CCDC3: variants seen among roughly 807,000 people sequenced by gnomAD.
The protein encoded by CCDC3 is coiled-coil domain containing 3, also known as coiled-coil domain-containing protein 3.
CCDC3 carries 24 observed loss-of-function variants against 21.4 expected under a neutral mutation model. That is an observed-to-expected ratio of 1.12 (90% confidence interval 0.81 to 1.58). The LOEUF is 1.58. Ranked by LOEUF, CCDC3 falls within the 40% of genes most tolerant of loss-of-function variation. The probability of loss-of-function intolerance (pLI) is 0.00; values close to 1 mark genes in which losing one functional copy is unlikely to be tolerated. For missense variants in CCDC3, 425 were observed against 360.9 expected (o/e 1.18, Z -1.44); for synonymous variants, 186 against 166.0 (o/e 1.12, Z -0.93).
chr10:13,082,123 A>G (rs1446504537), intron 3 of CCDC3, among the ~76,000 whole-genome samples: 2 of 152,224 alleles, frequency 1.3e-5, no homozygotes, highest in Non-Finnish European at 2.9e-5. Flanking sequence ...GTGATAGAAG[A>G]AAAGACAGCT....
intron 2 of CCDC3, among the ~76,000 whole-genome samples, chr10:12,973,994 T>C (rs1835379194): frequency 6.6e-6 from 1 of 152,120 alleles, no homozygotes; most frequent in Non-Finnish European, 1.5e-5. Context: ...GCACCTATGG[T>C]TGTGAAGATC....
At chr10:12,901,739 A>C (rs917792280) in intron 2 of CCDC3, among the ~76,000 whole-genome samples, 1 of 152,246 alleles carries the variant, frequency 6.6e-6, no homozygotes, top group African/African-American at 2.4e-5. Flanking sequence ...ATTATAGGAT[A>C]GAGTCAAATC....
intron 2 of CCDC3, among the ~76,000 whole-genome samples, chr10:12,952,841 G>A (rs888630402): frequency 3.3e-5 from 5 of 152,104 alleles, no homozygotes; most frequent in African/African-American, 1.2e-4. Flanking sequence ...TTCTCATCCA[G>A]GTTACCACTG....
intron 2 of CCDC3, among the ~76,000 whole-genome samples, chr10:12,915,915 C>T (rs973852689): frequency 6.6e-6 from 1 of 152,092 alleles, no homozygotes; most frequent in Admixed American, 6.5e-5. Context: ...TGACCTGGCA[C>T]CAGGGTCTGC....
chr10:13,041,459 T>C (rs1022571652), intron 5 of CCDC3, among the ~76,000 whole-genome samples: 3 of 150,216 alleles, frequency 2.0e-5, no homozygotes, highest in African/African-American at 7.4e-5. Context: ...ATGTGTTGAT[T>C]TCCCCCTCGC....
rs779643128 is a variant in CCDC3, at chr10:12,898,561, T to A, written c.668A>T (p.Lys223Met). 85 of 1,614,020 alleles carry A rather than the reference T, an allele frequency of 5.3e-5. No homozygotes were observed. Among genetic ancestry groups the A allele is most frequent in the Non-Finnish European group, 7.1e-5 (84 of 1,179,970 alleles). The stretch of plus-strand genomic sequence containing the variant: ...CGCCTGCCGCAAGGACCTCTTGACC[T>A]TCTTCACTCGCTCCCGGAGCTGCCG... ...RNRQLRERVK[K>M]VKRSLRQARK... The change falls in exon 3 of 3, where the codon AAG (lysine) becomes ATG (methionine). Residue 223 changes from lysine (K) to methionine (M), a missense_variant. Coordinates refer to ENST00000378825, the MANE Select transcript of CCDC3 (RefSeq NM_031455.4).
chr10:12,904,227 G>A (rs1281575331), intron 2 of CCDC3, among the ~76,000 whole-genome samples: 2 of 152,060 alleles, frequency 1.3e-5, no homozygotes, highest in Non-Finnish European at 2.9e-5. Context: ...AGCACTTTGC[G>A]AGGCTGAGGT....
intron 2 of CCDC3, among the ~76,000 whole-genome samples, chr10:12,997,760 G>C (rs368257461): frequency 6.6e-6 from 1 of 152,058 alleles, no homozygotes; most frequent in African/African-American, 2.4e-5. Flanking sequence ...TAAGCATTAC[G>C]CTAACGGATT....
intron 5 of CCDC3, among the ~76,000 whole-genome samples, chr10:13,041,644 T>C (rs1836457657): frequency 1.3e-5 from 2 of 148,668 alleles, no homozygotes; most frequent in African/African-American, 5.0e-5. Flanking sequence ...CCTGCCTCAG[T>C]CTCCCGAGTA....
chr10:12,933,788 C>T (rs1379097489), intron 2 of CCDC3, among the ~76,000 whole-genome samples: 8 of 152,164 alleles, frequency 5.3e-5, no homozygotes, highest in Non-Finnish European at 1.0e-4. Flanking sequence ...TTTAAATGTC[C>T]ATGGGATCTG....
intron 5 of CCDC3, among the ~76,000 whole-genome samples, chr10:13,007,764 G>A (rs1462711473): frequency 6.6e-6 from 1 of 152,156 alleles, no homozygotes; most frequent in African/African-American, 2.4e-5. Context: ...AAATATTTTA[G>A]TTATGTAAAA....
intron 2 of CCDC3, chr10:12,924,677 CTGTGAGG>C (rs1834505539): frequency 6.6e-6 from 1 of 152,186 alleles, no homozygotes; most frequent in African/African-American, 2.4e-5. Flanking sequence ...ACTGGAGTAT[CTGTGAGG>C]CAACTCCTCC....
intron 2 of CCDC3, among the ~76,000 whole-genome samples, chr10:12,930,895 T>C (rs969855072): frequency 2.6e-5 from 4 of 152,066 alleles, no homozygotes; most frequent in Admixed American, 2.6e-4. Flanking sequence ...TGGTCCAAAC[T>C]TCACTTTTCA....
intron 2 of CCDC3, among the ~76,000 whole-genome samples, chr10:12,936,359 A>AT (rs970923324): frequency 1.3e-5 from 2 of 151,722 alleles, no homozygotes; most frequent in South Asian, 2.1e-4. Context: ...TCTTTCAAGA[A>AT]TTTTTTTTCT....
At chr10:12,978,383 CAAATGTACATGTTCACAG>C (rs1300767762) in intron 2 of CCDC3, among the ~76,000 whole-genome samples, 1 of 152,236 alleles carries the variant, frequency 6.6e-6, no homozygotes, top group African/African-American at 2.4e-5. Flanking sequence ...TGAAAACTTT[CAAATGTACATGTTCACAG>C]AAATGTGCTA....
chr10:12,950,871 C>T (rs774976685), intron 2 of CCDC3, among the ~76,000 whole-genome samples: 1 of 152,162 alleles, frequency 6.6e-6, no homozygotes, highest in Non-Finnish European at 1.5e-5. Flanking sequence ...CCCCACCACA[C>T]CTGACTCCAT....
chr10:13,063,180 G>C (rs1836781192), intron 4 of CCDC3, among the ~76,000 whole-genome samples: 1 of 134,582 alleles, frequency 7.4e-6, no homozygotes, highest in African/African-American at 2.8e-5. Context: ...CAAAACCCTG[G>C]TCTCCCACAC....
chr10:13,018,214 G>A (rs1564321873), intron 5 of CCDC3, among the ~76,000 whole-genome samples: 2 of 152,086 alleles, frequency 1.3e-5, no homozygotes, highest in African/African-American at 4.8e-5. Flanking sequence ...CTTTCCCATA[G>A]GAAGTGAAGT....
intron 2 of CCDC3, among the ~76,000 whole-genome samples, chr10:12,915,277 T>G (rs1208754972): frequency 1.3e-5 from 2 of 152,226 alleles, no homozygotes; most frequent in African/African-American, 2.4e-5. Context: ...ATTCTCTGTG[T>G]GCACCTGAGA....
Sources: allele counts gnomAD v4.1 joint callset (sites outside exome capture counted in the v4.1 genomes callset), GRCh38; gene constraint gnomAD v4.1.1; transcripts MANE v1.5; gene names NCBI Gene and HGNC (gene_info 2026-07-23, HGNC 2026-07-21).